WDR35: variants seen among roughly 807,000 people sequenced by gnomAD.
WDR35 encodes the protein WD repeat domain 35, also known as WD repeat-containing protein 35.
In WDR35, 118 loss-of-function variants were observed where a neutral mutation model predicts 158.3. The observed-to-expected ratio is 0.75, with a 90% CI of 0.64 to 0.87. The LOEUF is 0.87. Ranked by LOEUF, WDR35 falls within the 40% of genes least tolerant of loss-of-function variation. The pLI is 0.00. For missense variants in WDR35, 1,263 were observed against 1,405.8 expected (o/e 0.90, Z 1.62); for synonymous variants, 448 against 476.1 (o/e 0.94, Z 0.77).
intron 9 of WDR35, 81 bp downstream of exon 9, chr2:19,969,399 C>T: frequency 6.9e-7 from 1 of 1,458,098 alleles, no homozygotes. Flanking sequence ...TAAAACAAGA[C>T]AGCTTTGAAT....
At chr2:19,977,158 A>C (rs1019216389) in intron 5 of WDR35, among the ~76,000 whole-genome samples, 2 of 152,150 alleles carry the variant, frequency 1.3e-5, no homozygotes, top group Admixed American at 1.3e-4. Context: ...TTAACTCTAC[A>C]AATGCCTCTT....
intron 23 of WDR35, among the ~76,000 whole-genome samples, chr2:19,931,787 C>T (rs182522447): frequency 2.0e-5 from 3 of 152,184 alleles, no homozygotes; most frequent in African/African-American, 7.2e-5. Context: ...CATGGTGCAT[C>T]CTTCAGAAGC....
In WDR35 at chr2:19,913,406, T is replaced by G; in HGVS notation, c.*152A>C. On this transcript the variant is annotated 3_prime_UTR_variant, in exon 27 of 27. Transcript: ENST00000281405. ...AGTTGTATTGCCATAAAAATTATTT[T>G]ATTAACATATATTTTGTGCAAAAAT... 1 of 882,588 alleles carries G rather than the reference T, an allele frequency of 1.1e-6. No individual in the cohort carries two copies. Among genetic ancestry groups the G allele is most frequent in the Admixed American group, 2.9e-5 (1 of 35,056 alleles). 54.7% of individuals were successfully genotyped at this position (882,588 alleles called of 1,614,324 possible). A position where few individuals can be genotyped will look rare whatever the true frequency, so the allele number is the denominator to read the frequency against.
At chr2:19,956,683 C>T (rs1035921208) in intron 11 of WDR35, among the ~76,000 whole-genome samples, 2 of 147,996 alleles carry the variant, frequency 1.4e-5, no homozygotes, top group South Asian at 2.1e-4. Flanking sequence ...TGCAGTGGCA[C>T]GGTCTCGACT....
chr2:19,985,596 A>C (rs1045058925), intron 2 of WDR35, among the ~76,000 whole-genome samples: 9 of 151,720 alleles, frequency 5.9e-5, no homozygotes, highest in African/African-American at 2.2e-4. Flanking sequence ...AAAAAAAAAA[A>C]AAAAGGGCCG....
chr2:19,963,388 T>A (rs574078009), intron 10 of WDR35, among the ~76,000 whole-genome samples: 12 of 152,330 alleles, frequency 7.9e-5, no homozygotes, highest in African/African-American at 2.9e-4. Context: ...TCTCTTTGAT[T>A]AGTCTTCTAT....
chr2:19,974,297 T>TA (rs1215132278), intron 7 of WDR35, among the ~76,000 whole-genome samples, 171 bp downstream of exon 7: 5 of 151,166 alleles, frequency 3.3e-5, no homozygotes, highest in African/African-American at 1.2e-4. Flanking sequence ...TAGTCCCAGC[T>TA]ACTCGGGAGG....
chr2:19,920,559 A>C (rs1297707855), intron 25 of WDR35, among the ~76,000 whole-genome samples: 1 of 152,234 alleles, frequency 6.6e-6, no homozygotes, highest in Non-Finnish European at 1.5e-5. Flanking sequence ...TCAACAAACT[A>C]GGCACTGATG....
intron 16 of WDR35, among the ~76,000 whole-genome samples, chr2:19,944,714 C>G (rs960510452): frequency 6.6e-6 from 1 of 152,096 alleles, no homozygotes; most frequent in Non-Finnish European, 1.5e-5. Flanking sequence ...CTTGCAAAAG[C>G]TTTAACAGAG....
At chr2:19,964,440 G>A (rs1671777134) in intron 10 of WDR35, among the ~76,000 whole-genome samples, 1 of 138,318 alleles carries the variant, frequency 7.2e-6, no homozygotes, top group Non-Finnish European at 1.5e-5. Context: ...CTGGAGTGCA[G>A]TGGCGTGATC....
chr2:19,970,804 C>T (rs1672014971), intron 8 of WDR35, among the ~76,000 whole-genome samples: 1 of 152,140 alleles, frequency 6.6e-6, no homozygotes, highest in East Asian at 1.9e-4. Context: ...CCTTACTGGT[C>T]CTTGTCCTCC....
rs201443916 is a variant in WDR35 at position 19,933,479 on chromosome 2, C to T, written c.2580G>A (p.Met860Ile). The T allele has an allele frequency of 1.9e-5, 31 of 1,613,882 alleles. No homozygotes were observed. In the South Asian group the frequency reaches 3.4e-4, roughly 18 times the overall value. The change falls in exon 22 of 27, where the codon ATG becomes ATA. Residue 860 changes from methionine (M) to isoleucine (I), a missense_variant. Met to Ile is a conservative substitution (Grantham distance 10, BLOSUM62 1). Transcript: ENST00000281405. ...EIAQMFVRVGMCEQAVTAFLK... is the reference protein window; with the variant it reads ...EIAQMFVRVGICEQAVTAFLK... ...AAAATGCAGTCACTGCTTGTTCACA[C>T]ATTCCAACTCTGACAAACATTTGTG...
intron 18 of WDR35, 21 bp from the exon 19 acceptor site, chr2:19,937,967 A>C (rs1426091611): frequency 6.2e-7 from 1 of 1,613,390 alleles, no homozygotes; most frequent in South Asian, 1.1e-5. Flanking sequence ...AAAGAAACAA[A>C]AACATAAGTG....
intron 25 of WDR35, among the ~76,000 whole-genome samples, chr2:19,923,870 C>T (rs1324806420): frequency 2.0e-5 from 3 of 152,194 alleles, no homozygotes; most frequent in Non-Finnish European, 2.9e-5. Context: ...GGACCAGGTT[C>T]TCATTTTGTA....
intron 11 of WDR35, among the ~76,000 whole-genome samples, chr2:19,956,718 T>C (rs1459645369): frequency 6.6e-6 from 1 of 151,366 alleles, no homozygotes; most frequent in Non-Finnish European, 1.5e-5. Flanking sequence ...CCTCCCGGGT[T>C]CACGCCATTC....
chr2:19,926,676 G>C (rs1236304579), intron 25 of WDR35, among the ~76,000 whole-genome samples: 1 of 152,202 alleles, frequency 6.6e-6, no homozygotes, highest in Non-Finnish European at 1.5e-5. Flanking sequence ...ATCAGCAGCT[G>C]AACAGCATCT....
At chr2:19,947,470 C>A (rs1671095980) in intron 14 of WDR35, among the ~76,000 whole-genome samples, 1 of 152,176 alleles carries the variant, frequency 6.6e-6, no homozygotes, top group South Asian at 2.1e-4. Flanking sequence ...ATAACCCCAG[C>A]AGCATTACTG....
intron 25 of WDR35, among the ~76,000 whole-genome samples, chr2:19,928,797 G>A (rs1354301552): frequency 4.6e-5 from 7 of 151,014 alleles, no homozygotes; most frequent in Non-Finnish European, 1.0e-4. Context: ...ATAACTCTAT[G>A]AGGAAGATAC....
chr2:19,986,046 G>A (rs979072440), intron 2 of WDR35, among the ~76,000 whole-genome samples: 7 of 152,132 alleles, frequency 4.6e-5, no homozygotes, highest in African/African-American at 1.7e-4. Flanking sequence ...TATAGAGGGA[G>A]CAGGGGAGAC....
Sources: gnomAD v4.1 joint callset for allele counts (sites outside exome capture counted in the v4.1 genomes callset) on GRCh38, gnomAD v4.1.1 for gene constraint, MANE v1.5 for transcripts, NCBI Gene and HGNC (gene_info 2026-07-23, HGNC 2026-07-21) for gene names.